The following CNGB3 variants were observed in gnomAD, a reference collection of about 807,000 sequenced individuals.
The protein encoded by CNGB3 is cyclic nucleotide-gated channel beta-3.
In CNGB3, 86 loss-of-function variants were observed where a neutral mutation model predicts 92.8. The observed-to-expected ratio is 0.93, with a 90% CI of 0.78 to 1.11. CNGB3 has a LOEUF of 1.11. CNGB3 is among the 50% of genes least tolerant of loss of function. The pLI, the probability that CNGB3 is intolerant of heterozygous loss-of-function variation, is 0.00. For missense variants in CNGB3, 1,026 were observed against 956.8 expected, an observed-to-expected ratio of 1.07 and a Z score of -0.95; for synonymous variants, 333 against 332.7, an observed-to-expected ratio of 1.00 and a Z score of -0.01.
At chr8:86,626,109 G>A (rs376657985) in intron 12 of CNGB3, 29 bp from the exon 13 acceptor site, 26 of 1,511,598 alleles carry the variant, frequency 1.7e-5, no homozygotes, top group South Asian at 4.5e-5. Context: ...ATCAAACCCC[G>A]ATGCAGAATA....
intron 15 of CNGB3, among the ~76,000 whole-genome samples, chr8:86,585,876 G>A (rs936454159): frequency 2.0e-5 from 3 of 152,194 alleles, no homozygotes; most frequent in Non-Finnish European, 4.4e-5. Flanking sequence ...GTTTATGGAT[G>A]GAAGGAGATA....
chr8:86,596,324 C>G (rs552426716), intron 15 of CNGB3, among the ~76,000 whole-genome samples: 4 of 151,950 alleles, frequency 2.6e-5, no homozygotes, highest in Non-Finnish European at 5.9e-5. Context: ...AATAATCTGC[C>G]CATATATTAC....
intron 2 of CNGB3, among the ~76,000 whole-genome samples, chr8:86,734,112 G>C (rs1168125019): frequency 1.3e-5 from 2 of 152,110 alleles, no homozygotes; most frequent in Non-Finnish European, 2.9e-5. Context: ...CCTGTCTTGG[G>C]CTCCCAAAGC....
At chr8:86,718,151 G>T (rs1165300559) in intron 3 of CNGB3, among the ~76,000 whole-genome samples, 1 of 151,768 alleles carries the variant, frequency 6.6e-6, no homozygotes, top group Non-Finnish European at 1.5e-5. Flanking sequence ...CAGAAGAAAA[G>T]AAATAACCAA....
At chr8:86,681,051 G>C (rs1563752465) in intron 3 of CNGB3, among the ~76,000 whole-genome samples, 2 of 152,070 alleles carry the variant, frequency 1.3e-5, no homozygotes, top group African/African-American at 4.8e-5. Context: ...CAAGTACAAA[G>C]ATGATCACAC....
chr8:86,625,877 C>A (rs753704027), intron 13 of CNGB3, 106 bp downstream of exon 13: 20 of 904,058 alleles, frequency 2.2e-5, no homozygotes, highest in Admixed American at 1.0e-4. Context: ...GTTATTTTGA[C>A]TTTGTTAAAA....
chr8:86,658,026 C>A (rs541664811), intron 6 of CNGB3: 2 of 546,296 alleles, frequency 3.7e-6, no homozygotes, highest in East Asian at 4.2e-5. Flanking sequence ...TCAGGTCCAC[C>A]TTCTCCTGCA....
At chr8:86,622,911 T>C (rs1479152268) in intron 13 of CNGB3, among the ~76,000 whole-genome samples, 2 of 152,210 alleles carry the variant, frequency 1.3e-5, no homozygotes, top group Non-Finnish European at 2.9e-5. Flanking sequence ...AAAATATTGA[T>C]GGAAATCTAG....
intron 6 of CNGB3, chr8:86,660,448 T>C (rs1823615845): frequency 2.0e-6 from 1 of 506,674 alleles, no homozygotes; most frequent in South Asian, 1.5e-5. Context: ...GTCTCAATGC[T>C]CCAAGCCCAT....
chr8:86,599,297 A>G (rs922203686), intron 15 of CNGB3, among the ~76,000 whole-genome samples: 14 of 152,116 alleles, frequency 9.2e-5, no homozygotes, highest in Admixed American at 6.5e-5. Context: ...TCTTAATCTC[A>G]TCATCTTCGT....
intron 10 of CNGB3, among the ~76,000 whole-genome samples, chr8:86,636,153 G>T (rs1823067154): frequency 6.6e-6 from 1 of 151,582 alleles, no homozygotes; most frequent in South Asian, 2.1e-4. Flanking sequence ...TTATTTTTTG[G>T]ATGTATTTCA....
intron 6 of CNGB3, among the ~76,000 whole-genome samples, 164 bp downstream of exon 6, chr8:86,666,761 A>G (rs1253856049): frequency 6.6e-5 from 10 of 152,156 alleles, no homozygotes; most frequent in Non-Finnish European, 1.0e-4. Context: ...TGAACACTCA[A>G]TGGCTGTTTT....
At chr8:86,663,241 T>G (rs13275295) in intron 6 of CNGB3, among the ~76,000 whole-genome samples, 18,016 of 152,190 alleles carry the variant, frequency 0.12, 1,682 homozygotes, top group African/African-American at 0.26. Context: ...TTTCTGTGAA[T>G]TTTGTGATTG....
intron 3 of CNGB3, among the ~76,000 whole-genome samples, chr8:86,687,102 G>A (rs1824201754): frequency 6.6e-6 from 1 of 151,944 alleles, no homozygotes; most frequent in Non-Finnish European, 1.5e-5. Flanking sequence ...CACTCACTAG[G>A]ATGGCTATAA....
rs1554607548 is a variant in CNGB3, at chr8:86,604,099, T to TC, written c.1774dup (p.Glu592GlyfsTer44). 6.2e-7 allele frequency: 1 copy of TC among 1,605,864 alleles called. No individual in the cohort carries two copies. Among genetic ancestry groups the TC allele is most frequent in the East Asian group, 2.2e-5 (1 of 44,830 alleles). On this transcript the variant is annotated frameshift_variant, in exon 15 of 18. Transcript: ENST00000320005. LOFTEE classifies it high-confidence loss of function. ...TGAAGTATCTTTCAGATACCTGATTTCTCCAAACACCGACCCAGCTTTCAG... is the reference window on the plus strand; with the variant it reads ...TGAAGTATCTTTCAGATACCTGATTTCCTCCAAACACCGACCCAGCTTTCAG...
At chr8:86,723,759 CA>C (rs965177066) in intron 3 of CNGB3, among the ~76,000 whole-genome samples, 1 of 152,186 alleles carries the variant, frequency 6.6e-6, no homozygotes, top group African/African-American at 2.4e-5. Flanking sequence ...AATAACAAAG[CA>C]AGAACTTTAA....
intron 3 of CNGB3, among the ~76,000 whole-genome samples, chr8:86,673,461 G>A (rs1823905723): frequency 6.6e-6 from 1 of 152,104 alleles, no homozygotes; most frequent in Non-Finnish European, 1.5e-5. Context: ...CAGGAGTGAT[G>A]GTGGTTGGGT....
chr8:86,739,620 G>GTTTTTTTTTTTTTTTTTTTTTTTTTAT, intron 2 of CNGB3, 35 bp downstream of exon 2: 1 of 1,488,504 alleles, frequency 6.7e-7, no homozygotes, highest in South Asian at 1.2e-5. Context: ...TCACTTTTTA[G>GTTTTTTTTTTTTTTTTTTTTTTTTTAT]TTTTTTTTTT....
intron 8 of CNGB3, among the ~76,000 whole-genome samples, chr8:86,647,133 A>G (rs1037202207): frequency 3.3e-5 from 5 of 150,978 alleles, no homozygotes; most frequent in African/African-American, 9.7e-5. Flanking sequence ...TTACTTAGCA[A>G]TTTATCTTGA....
Sources: gnomAD v4.1 joint callset for allele counts (sites outside exome capture counted in the v4.1 genomes callset) on GRCh38, gnomAD v4.1.1 for gene constraint, MANE v1.5 for transcripts, NCBI Gene and HGNC (gene_info 2026-07-23, HGNC 2026-07-21) for gene names.